TBL1XR1: variants seen among roughly 807,000 people sequenced by gnomAD.
The protein encoded by TBL1XR1 is TBL1X/Y related 1, also known as F-box-like/WD repeat-containing protein TBL1XR1.
In TBL1XR1, 5 loss-of-function variants were observed where a neutral mutation model predicts 66.9. The observed-to-expected ratio is 0.07, with a 90% confidence interval of 0.04 to 0.16. The LOEUF (loss-of-function observed/expected upper bound fraction) is 0.16. TBL1XR1 is among the 10% of genes least tolerant of loss of function. The pLI is 1.00. For missense variants in TBL1XR1, 238 were observed against 623.2 expected, an observed-to-expected ratio of 0.38 and a Z score of 6.58; for synonymous variants, 210 against 206.0, an observed-to-expected ratio of 1.02 and a Z score of -0.17.
chr3:177,092,139 C>T (rs1307789833), intron 2 of TBL1XR1, among the ~76,000 whole-genome samples: 1 of 152,120 alleles, frequency 6.6e-6, no homozygotes, highest in Non-Finnish European at 1.5e-5. Flanking sequence ...ATCCAAAATG[C>T]TCCAATGAGT....
Position 177,025,138 on chromosome 3 carries a change from TCAAAGGGGAGAAA to T in TBL1XR1, c.*347_*359del. On this transcript the variant is annotated 3_prime_UTR_variant, in exon 16 of 16. Transcript: ENST00000457928. ...AATATAATCCATGGTGTCTGCTGATTCAAAGGGGAGAAACAAGGCTGTCATTTAGTATCCAAAA... is the reference window on the plus strand; with the variant it reads ...AATATAATCCATGGTGTCTGCTGATTCAAGGCTGTCATTTAGTATCCAAAA... 1 of 226,306 alleles carries T rather than the reference TCAAAGGGGAGAAA, an allele frequency of 4.4e-6. No individual in the cohort carries two copies. The highest frequency in any genetic ancestry group is 8.6e-6 in the Non-Finnish European group (1 of 116,830). The allele number at this position is 226,306 out of a possible 1,614,324, so 14.0% of individuals were successfully genotyped here. A position where few individuals can be genotyped will look rare whatever the true frequency, so the allele number is the denominator to read the frequency against.
At chr3:177,165,386 A>C (rs557666822) in intron 1 of TBL1XR1, among the ~76,000 whole-genome samples, 1 of 152,352 alleles carries the variant, frequency 6.6e-6, no homozygotes, top group East Asian at 1.9e-4. Flanking sequence ...CCTTGGATAG[A>C]AGACTCAATA....
chr3:177,120,028 T>C (rs1315512851), intron 1 of TBL1XR1, among the ~76,000 whole-genome samples: 2 of 152,182 alleles, frequency 1.3e-5, no homozygotes, highest in Non-Finnish European at 2.9e-5. Flanking sequence ...CAACCTTTAT[T>C]TAAATAAGAG....
intron 2 of TBL1XR1, among the ~76,000 whole-genome samples, chr3:177,086,391 G>A (rs1722118559): frequency 6.6e-6 from 1 of 151,606 alleles, no homozygotes; most frequent in South Asian, 2.1e-4. Context: ...ACCATACTGG[G>A]TAAGTCTAAA....
chr3:177,198,005 G>A (rs1411498461), upstream of TBL1XR1, among the ~76,000 whole-genome samples: 4 of 151,336 alleles, frequency 2.6e-5, no homozygotes, highest in East Asian at 3.9e-4. Context: ...TGTCCGGGGG[G>A]CGGCCCGGCG....
intron 1 of TBL1XR1, among the ~76,000 whole-genome samples, chr3:177,122,252 CCCT>C (rs1041967115): frequency 2.7e-5 from 4 of 147,976 alleles, no homozygotes; most frequent in Non-Finnish European, 6.0e-5. Flanking sequence ...TTAAAATATT[CCCT>C]CCTCCTCTAA....
At chr3:177,170,338 C>T (rs998972996) in intron 1 of TBL1XR1, among the ~76,000 whole-genome samples, 2 of 152,296 alleles carry the variant, frequency 1.3e-5, no homozygotes, top group Non-Finnish European at 2.9e-5. Flanking sequence ...AAATTACTAT[C>T]CCTGGCGGTC....
chr3:177,048,266 G>A (rs1178408037), intron 7 of TBL1XR1, among the ~76,000 whole-genome samples: 1 of 152,154 alleles, frequency 6.6e-6, no homozygotes, highest in Non-Finnish European at 1.5e-5. Flanking sequence ...GATGAATTGT[G>A]TAATAAAAGG....
chr3:177,134,130 T>G (rs1198723591), intron 1 of TBL1XR1, among the ~76,000 whole-genome samples: 1 of 152,170 alleles, frequency 6.6e-6, no homozygotes, highest in Non-Finnish European at 1.5e-5. Context: ...TCAAACTGAT[T>G]CTTAACCACT....
At chr3:177,147,624 C>T (rs1401764784) in intron 1 of TBL1XR1, among the ~76,000 whole-genome samples, 2 of 152,154 alleles carry the variant, frequency 1.3e-5, no homozygotes, top group Non-Finnish European at 2.9e-5. Flanking sequence ...TGGAATCTAG[C>T]AAAAGAAATA....
At chr3:177,168,133 CAG>C (rs1447041473) in intron 1 of TBL1XR1, among the ~76,000 whole-genome samples, 1 of 152,108 alleles carries the variant, frequency 6.6e-6, no homozygotes, top group Non-Finnish European at 1.5e-5. Context: ...TGTTATATAA[CAG>C]AAACTAGGAT....
intron 1 of TBL1XR1, among the ~76,000 whole-genome samples, chr3:177,122,851 C>T (rs934007860): frequency 1.3e-5 from 2 of 151,280 alleles, no homozygotes; most frequent in Non-Finnish European, 3.0e-5. Flanking sequence ...TATCTTCCAA[C>T]TCCAACAGTG....
At chr3:177,148,279 G>A (rs1730481163) in intron 1 of TBL1XR1, among the ~76,000 whole-genome samples, 1 of 152,208 alleles carries the variant, frequency 6.6e-6, no homozygotes, top group South Asian at 2.1e-4. Context: ...ATTTACTGTT[G>A]TGGACATCTA....
At chr3:177,158,037 G>T (rs975697600) in intron 1 of TBL1XR1, among the ~76,000 whole-genome samples, 1 of 151,824 alleles carries the variant, frequency 6.6e-6, no homozygotes, top group Non-Finnish European at 1.5e-5. Flanking sequence ...TTGCTCATAG[G>T]TAGGTTGGAA....
intron 1 of TBL1XR1, chr3:177,131,302 C>G: frequency 1.0e-6 from 1 of 982,476 alleles, no homozygotes; most frequent in Non-Finnish European, 1.2e-6. Flanking sequence ...CATAAAGACC[C>G]TTAAGAGAGA....
chr3:177,180,571 G>A (rs535957393), intron 1 of TBL1XR1, among the ~76,000 whole-genome samples: 6 of 151,998 alleles, frequency 3.9e-5, no homozygotes, highest in African/African-American at 1.2e-4. Flanking sequence ...TTTTAAAACC[G>A]AAAATCCTAT....
At chr3:177,095,581 G>C (rs1241300559) in intron 2 of TBL1XR1, among the ~76,000 whole-genome samples, 6 of 151,522 alleles carry the variant, frequency 4.0e-5, no homozygotes, top group African/African-American at 1.2e-4. Context: ...CCAGGTTCAA[G>C]GGATTCTCTT....
At chr3:177,047,653 C>CA in intron 7 of TBL1XR1, 104 bp from the exon 8 acceptor site, 1 of 1,306,754 alleles carries the variant, frequency 7.7e-7, no homozygotes, top group East Asian at 2.5e-5. Flanking sequence ...AGAATGAAGA[C>CA]ATTCTCTGCT....
chr3:177,182,702 T>C (rs1414627376), intron 1 of TBL1XR1, among the ~76,000 whole-genome samples: 4 of 152,188 alleles, frequency 2.6e-5, no homozygotes, highest in Non-Finnish European at 4.4e-5. Context: ...AGGCCTGTGC[T>C]AGAAACACAT....
Sources: gnomAD v4.1 joint callset for allele counts (sites outside exome capture counted in the v4.1 genomes callset) on GRCh38, gnomAD v4.1.1 for gene constraint, MANE v1.5 for transcripts, NCBI Gene and HGNC (gene_info 2026-07-23, HGNC 2026-07-21) for gene names.